MAGI1: variants seen among roughly 807,000 people sequenced by gnomAD.
The protein encoded by MAGI1 is membrane-associated guanylate kinase, WW and PDZ domain-containing protein 1.
A neutral mutation model predicts 139.9 loss-of-function variants in MAGI1; 58 were observed. The ratio of observed to expected loss-of-function variants is 0.41; its 90% confidence interval spans 0.34 to 0.52. The LOEUF (loss-of-function observed/expected upper bound fraction) is 0.52, where lower values mean the gene tolerates loss of function less well. Ranked by LOEUF, MAGI1 falls within the 20% of genes least tolerant of loss-of-function variation. MAGI1 has a pLI of 0.12. For synonymous variants in MAGI1, 812 were observed against 737.9 expected, an observed-to-expected ratio of 1.10 and a Z score of -1.63; for missense variants, 1,874 against 1,901.6, an observed-to-expected ratio of 0.99 and a Z score of 0.27.
rs575956844 is a variant in MAGI1, at chr3:65,566,959, T to C, written c.430+55013A>G. On this transcript the variant is annotated intron_variant, in intron 2 of 22. Coordinates refer to ENST00000402939, the MANE Select transcript of MAGI1 (RefSeq NM_001033057.2). ...CTACATGGCTGTACATCGACATTGT[T>C]TGGAGATCATGATAAAAGTCTACAT... 4.6e-5 allele frequency among the ~76,000 whole-genome samples: 7 copies of C among 152,296 alleles called. No homozygotes were observed. The East Asian group carries it at 1.2e-3, about 25-fold the overall frequency.
chr3:65,548,358 C>A (rs1283888347), intron 2 of MAGI1, among the ~76,000 whole-genome samples: 1 of 152,072 alleles, frequency 6.6e-6, no homozygotes, highest in Non-Finnish European at 1.5e-5. Flanking sequence ...GGCCTAGGCA[C>A]CCTACCATCC....
intron 1 of MAGI1, among the ~76,000 whole-genome samples, chr3:65,646,368 G>A (rs1488091431): frequency 2.0e-5 from 3 of 151,956 alleles, no homozygotes; most frequent in African/African-American, 4.8e-5. Flanking sequence ...AAATGTGTGT[G>A]CACTAAACAA....
At chr3:65,493,199 T>G (rs1024831080) in intron 3 of MAGI1, among the ~76,000 whole-genome samples, 5 of 152,192 alleles carry the variant, frequency 3.3e-5, no homozygotes, top group African/African-American at 1.2e-4. Context: ...GGATCACATT[T>G]TGTGATTAAC....
chr3:65,359,745 T>C, intron 22 of MAGI1: 3 of 985,750 alleles, frequency 3.0e-6, no homozygotes, highest in Non-Finnish European at 3.6e-6. Flanking sequence ...TGGAAAACCA[T>C]GTATTTAAAT....
intron 3 of MAGI1, among the ~76,000 whole-genome samples, chr3:65,483,443 C>T (rs560804324): frequency 3.9e-5 from 6 of 152,320 alleles, no homozygotes; most frequent in African/African-American, 1.4e-4. Context: ...AAAGTCTAGC[C>T]ACAGCAGAAA....
intron 13 of MAGI1, among the ~76,000 whole-genome samples, chr3:65,393,647 G>A (rs1175609518): frequency 6.6e-6 from 1 of 152,142 alleles, no homozygotes; most frequent in Non-Finnish European, 1.5e-5. Context: ...TACCCTGAGA[G>A]TGGCATGCCT....
intron 1 of MAGI1, among the ~76,000 whole-genome samples, chr3:65,856,735 C>A (rs1450319805): frequency 6.6e-6 from 1 of 152,156 alleles, no homozygotes; most frequent in Non-Finnish European, 1.5e-5. Flanking sequence ...ATACTGATGC[C>A]TGGGACACTG....
chr3:65,648,793 A>G (rs1221386954), intron 1 of MAGI1, among the ~76,000 whole-genome samples: 1 of 152,200 alleles, frequency 6.6e-6, no homozygotes, highest in Non-Finnish European at 1.5e-5. Flanking sequence ...AGCTTACTTG[A>G]TTTTACAACT....
At chr3:65,636,721 C>CAT (rs1553683950) in intron 1 of MAGI1, among the ~76,000 whole-genome samples, 1 of 146,756 alleles carries the variant, frequency 6.8e-6, no homozygotes, top group Admixed American at 6.7e-5. Context: ...CACACACACA[C>CAT]ACATACACAC....
intron 7 of MAGI1, among the ~76,000 whole-genome samples, chr3:65,445,347 T>C (rs985099869): frequency 6.6e-6 from 1 of 152,138 alleles, no homozygotes; most frequent in Non-Finnish European, 1.5e-5. Context: ...ATAGAAAGTG[T>C]CCAACAAATG....
At chr3:65,690,578 G>C (rs2088501960) in intron 1 of MAGI1, among the ~76,000 whole-genome samples, 1 of 151,732 alleles carries the variant, frequency 6.6e-6, no homozygotes, top group Non-Finnish European at 1.5e-5. Flanking sequence ...CTGGGTTGAA[G>C]TGATTCTCGT....
Position 65,982,626 on chromosome 3 carries a change from T to C in MAGI1, c.313+55370A>G, listed in dbSNP as rs76575170. Among the ~76,000 whole-genome samples, 1,401 of 152,354 alleles carry C rather than the reference T, an allele frequency of 9.2e-3. 24 individuals carry two copies. The highest frequency in any genetic ancestry group is 0.03 in the African/African-American group (1,230 of 41,584). On this transcript the variant is annotated intron_variant, in intron 1 of 22. Transcript: ENST00000402939. ...CTGCCATTACGAGACAATTATGGTC[T>C]CATAAAAAATATTAATTATCAGTGT... is the stretch of plus-strand genomic sequence containing the variant.
chr3:65,734,750 T>C (rs956451165), intron 1 of MAGI1, among the ~76,000 whole-genome samples: 2 of 151,784 alleles, frequency 1.3e-5, no homozygotes, highest in Admixed American at 1.3e-4. Context: ...AATAAGCGAG[T>C]CCTCTTGAAT....
chr3:65,789,135 C>G (rs977945900), intron 1 of MAGI1, among the ~76,000 whole-genome samples: 8 of 152,046 alleles, frequency 5.3e-5, no homozygotes, highest in Non-Finnish European at 4.4e-5. Flanking sequence ...GAGCTATGAT[C>G]GCACCACTGC....
intron 1 of MAGI1, among the ~76,000 whole-genome samples, chr3:65,823,842 C>T (rs559283420): frequency 1.9e-4 from 29 of 152,300 alleles, no homozygotes; most frequent in African/African-American, 6.3e-4. Flanking sequence ...CCATTTTTAA[C>T]GATGGACACA....
At chr3:65,400,151 T>C (rs1306418744) in intron 13 of MAGI1, among the ~76,000 whole-genome samples, 3 of 152,140 alleles carry the variant, frequency 2.0e-5, no homozygotes, top group Admixed American at 6.6e-5. Context: ...TGCACACACT[T>C]TGGCATCTTT....
intron 1 of MAGI1, among the ~76,000 whole-genome samples, chr3:65,660,153 T>C (rs1269878385): frequency 6.6e-6 from 1 of 152,200 alleles, no homozygotes; most frequent in African/African-American, 2.4e-5. Context: ...TAAAGTTCAT[T>C]GTGGTGAACT....
intron 2 of MAGI1, among the ~76,000 whole-genome samples, chr3:65,516,759 G>A (rs1305061176): frequency 1.9e-5 from 2 of 106,050 alleles, no homozygotes; most frequent in Non-Finnish European, 3.5e-5. Context: ...ACGGAGTCTC[G>A]CTCTGTGGCC....
intron 2 of MAGI1, among the ~76,000 whole-genome samples, chr3:65,553,942 T>A (rs996982869): frequency 2.0e-5 from 3 of 152,214 alleles, no homozygotes; most frequent in Non-Finnish European, 4.4e-5. Context: ...TGAGACAATA[T>A]AGGCAAATCA....
Sources: allele counts gnomAD v4.1 joint callset (sites outside exome capture counted in the v4.1 genomes callset), GRCh38; gene constraint gnomAD v4.1.1; transcripts MANE v1.5; gene names NCBI Gene and HGNC (gene_info 2026-07-23, HGNC 2026-07-21).